KCTD8: variants seen among roughly 807,000 people sequenced by gnomAD.
KCTD8 encodes potassium channel tetramerization domain containing 8.
In KCTD8, 27 loss-of-function variants were observed where a neutral mutation model predicts 31.5. That is an observed-to-expected ratio of 0.86 (90% CI 0.63 to 1.18). KCTD8 has a LOEUF of 1.18. Ranked by LOEUF, KCTD8 falls within the 50% of genes most tolerant of loss-of-function variation. The probability of loss-of-function intolerance (pLI) is 0.00; values close to 1 mark genes in which losing one functional copy is unlikely to be tolerated. For synonymous variants in KCTD8, 290 were observed against 280.0 expected, an observed-to-expected ratio of 1.04 and a Z score of -0.36; for missense variants, 658 against 647.7, an observed-to-expected ratio of 1.02 and a Z score of -0.17.
At chr4:44,224,668 GCTTCTAAA>G (rs1714901340) in intron 1 of KCTD8, among the ~76,000 whole-genome samples, 1 of 152,136 alleles carries the variant, frequency 6.6e-6, no homozygotes, top group Non-Finnish European at 1.5e-5. Flanking sequence ...GATAATGTCA[GCTTCTAAA>G]ACAGATAATC....
intron 1 of KCTD8, among the ~76,000 whole-genome samples, chr4:44,238,607 C>G (rs2130643): frequency 0.48 from 73,668 of 151,942 alleles, 18,014 homozygotes; most frequent in East Asian, 0.54. Context: ...TAGATTTTAT[C>G]GGTCTTAGGA....
chr4:44,401,364 T>A (rs867138552), intron 1 of KCTD8, among the ~76,000 whole-genome samples: 1 of 152,106 alleles, frequency 6.6e-6, no homozygotes, highest in Non-Finnish European at 1.5e-5. Context: ...ATTTCCCTGA[T>A]GCGCATCTTC....
intron 1 of KCTD8, among the ~76,000 whole-genome samples, chr4:44,400,508 C>A (rs987250868): frequency 6.6e-6 from 1 of 151,900 alleles, no homozygotes; most frequent in African/African-American, 2.4e-5. Flanking sequence ...GTGGGTGGAT[C>A]ACCTGAGGTC....
chr4:44,310,331 A>C (rs963651220), intron 1 of KCTD8, among the ~76,000 whole-genome samples: 4 of 152,098 alleles, frequency 2.6e-5, no homozygotes, highest in Non-Finnish European at 4.4e-5. Flanking sequence ...AAGAAACACT[A>C]AGTATAATTA....
intron 1 of KCTD8, among the ~76,000 whole-genome samples, chr4:44,350,436 A>G (rs1719167504): frequency 6.6e-6 from 1 of 152,190 alleles, no homozygotes; most frequent in African/African-American, 2.4e-5. Context: ...TTGTGGTTTC[A>G]TGTACACCTA....
intron 1 of KCTD8, among the ~76,000 whole-genome samples, chr4:44,267,018 TG>T (rs1186021765): frequency 3.3e-5 from 5 of 152,212 alleles, no homozygotes; most frequent in African/African-American, 1.2e-4. Context: ...ACCCAGGAAT[TG>T]AACTCAGCTC....
At chr4:44,179,786 A>C (rs1273521612) in intron 1 of KCTD8, among the ~76,000 whole-genome samples, 1 of 152,078 alleles carries the variant, frequency 6.6e-6, no homozygotes, top group African/African-American at 2.4e-5. Context: ...CATACTTTAA[A>C]TTATTATTGA....
chr4:44,310,923 G>A (rs910742793), intron 1 of KCTD8, among the ~76,000 whole-genome samples: 1 of 151,852 alleles, frequency 6.6e-6, no homozygotes, highest in Non-Finnish European at 1.5e-5. Context: ...CACACTAGCT[G>A]GAATGTCAAG....
At chr4:44,245,479 T>C (rs771451885) in intron 1 of KCTD8, among the ~76,000 whole-genome samples, 1 of 152,068 alleles carries the variant, frequency 6.6e-6, no homozygotes, top group Non-Finnish European at 1.5e-5. Context: ...TTAACATACA[T>C]GTAGATTCTT....
At chr4:44,348,625 C>T (rs575194465) in intron 1 of KCTD8, among the ~76,000 whole-genome samples, 14 of 152,170 alleles carry the variant, frequency 9.2e-5, no homozygotes, top group Admixed American at 6.5e-5. Context: ...AAAAGCTATA[C>T]GTATTGCTTT....
At chr4:44,417,730 T>C (rs75234586) in intron 1 of KCTD8, among the ~76,000 whole-genome samples, 1,568 of 146,938 alleles carry the variant, frequency 0.011, 14 homozygotes, top group Non-Finnish European at 0.016. Context: ...TAGCCAACTA[T>C]ATCTACTAGA....
chr4:44,275,114 T>C (rs193203743), intron 1 of KCTD8, among the ~76,000 whole-genome samples: 125 of 152,030 alleles, frequency 8.2e-4, no homozygotes, highest in Non-Finnish European at 1.3e-3. Context: ...TTAAAGTGTA[T>C]GGAAAGTTGG....
At chr4:44,199,029 C>G (rs912784312) in intron 1 of KCTD8, among the ~76,000 whole-genome samples, 1 of 151,948 alleles carries the variant, frequency 6.6e-6, no homozygotes, top group Non-Finnish European at 1.5e-5. Context: ...GACTTTAAAT[C>G]AACAACAATC....
At chr4:44,432,102 A>T (rs1221826570) in intron 1 of KCTD8, among the ~76,000 whole-genome samples, 1 of 151,434 alleles carries the variant, frequency 6.6e-6, no homozygotes. Context: ...TATTGGAGCC[A>T]GTATTTTATT....
At chr4:44,444,480 C>T (rs1273840028) in intron 1 of KCTD8, among the ~76,000 whole-genome samples, 2 of 152,062 alleles carry the variant, frequency 1.3e-5, no homozygotes, top group Non-Finnish European at 1.5e-5. Context: ...ATTATACTTA[C>T]TATAAAACAA....
chr4:44,383,581 T>C (rs1217498061), intron 1 of KCTD8, among the ~76,000 whole-genome samples: 1 of 152,046 alleles, frequency 6.6e-6, no homozygotes, highest in Non-Finnish European at 1.5e-5. Flanking sequence ...AGTCCGTCTC[T>C]TTAATGAATA....
chr4:44,369,824 G>A (rs552215650), intron 1 of KCTD8, among the ~76,000 whole-genome samples: 5 of 150,522 alleles, frequency 3.3e-5, no homozygotes, highest in African/African-American at 1.2e-4. Context: ...AAAAAAAAAA[G>A]GCACAAGAAA....
At chr4:44,302,037 G>A (rs1717639827) in intron 1 of KCTD8, among the ~76,000 whole-genome samples, 2 of 152,208 alleles carry the variant, frequency 1.3e-5, no homozygotes, top group South Asian at 4.1e-4. Context: ...TAGATATGTG[G>A]CGTTATTTCT....
At chr4:44,387,135 A>C (rs1720243495) in intron 1 of KCTD8, among the ~76,000 whole-genome samples, 2 of 151,646 alleles carry the variant, frequency 1.3e-5, no homozygotes, top group South Asian at 4.1e-4. Flanking sequence ...TTGCCACATA[A>C]ATAATAAAAT....
Sources: gnomAD v4.1 joint callset for allele counts (sites outside exome capture counted in the v4.1 genomes callset) on GRCh38, gnomAD v4.1.1 for gene constraint, MANE v1.5 for transcripts, NCBI Gene and HGNC (gene_info 2026-07-23, HGNC 2026-07-21) for gene names.